NTM: variants seen among roughly 807,000 people sequenced by gnomAD.
NTM encodes neurotrimin.
NTM carries 13 observed loss-of-function variants against 42.1 expected under a neutral mutation model. That is an observed-to-expected ratio of 0.31 (90% CI 0.20 to 0.49). The LOEUF (loss-of-function observed/expected upper bound fraction) is 0.49, where lower values mean the gene tolerates loss of function less well. Ranked by LOEUF, NTM falls within the 20% of genes least tolerant of loss-of-function variation. NTM has a pLI of 0.99. For synonymous variants in NTM, 187 were observed against 179.2 expected (o/e 1.04, Z -0.35); for missense variants, 373 against 452.8 (o/e 0.82, Z 1.60).
At chr11:132,238,393 T>C (rs1357994295) in intron 4 of NTM, among the ~76,000 whole-genome samples, 1 of 152,198 alleles carries the variant, frequency 6.6e-6, no homozygotes, top group Non-Finnish European at 1.5e-5. Flanking sequence ...GGTGATATGA[T>C]GGCTGAAAAT....
At chr11:131,585,290 G>A (rs896516809) in intron 1 of NTM, among the ~76,000 whole-genome samples, 1 of 152,088 alleles carries the variant, frequency 6.6e-6, no homozygotes, top group South Asian at 2.1e-4. Context: ...GAATTCTTTC[G>A]TCAGATCTGC....
At chr11:131,502,762 T>C (rs1440718897) in intron 1 of NTM, 1 of 148,822 alleles carries the variant, frequency 6.7e-6, no homozygotes. Flanking sequence ...TATTGACAGA[T>C]AGATGTATCC....
intron 1 of NTM, among the ~76,000 whole-genome samples, chr11:131,824,617 C>A (rs985945328): frequency 5.3e-5 from 8 of 152,120 alleles, no homozygotes; most frequent in Non-Finnish European, 1.2e-4. Context: ...ATTCAAAGAG[C>A]AAATGTGTTT....
chr11:131,699,320 C>T (rs185053443), intron 1 of NTM, among the ~76,000 whole-genome samples: 3 of 152,174 alleles, frequency 2.0e-5, no homozygotes, highest in Admixed American at 2.0e-4. Context: ...TGTGCCAGGT[C>T]CTAGGACTGT....
chr11:131,600,291 T>A (rs1166095256), intron 1 of NTM, among the ~76,000 whole-genome samples: 3 of 152,136 alleles, frequency 2.0e-5, no homozygotes, highest in Middle Eastern at 3.2e-3. Context: ...ACAGGATGAA[T>A]AATAGAAAAG....
chr11:131,443,608 A>C (rs898201639), intron 1 of NTM, among the ~76,000 whole-genome samples: 5 of 152,154 alleles, frequency 3.3e-5, no homozygotes, highest in Non-Finnish European at 7.4e-5. Context: ...CCATTGACTG[A>C]TCTCCATGCC....
intron 6 of NTM, chr11:132,312,430 C>T (rs895268000): frequency 6.6e-6 from 1 of 152,280 alleles, no homozygotes; most frequent in Non-Finnish European, 1.5e-5. Flanking sequence ...GGAAGGCCAC[C>T]CATCCAACAG....
chr11:132,329,285 A>C (rs1041053135), intron 7 of NTM, among the ~76,000 whole-genome samples: 3 of 152,224 alleles, frequency 2.0e-5, no homozygotes, highest in African/African-American at 7.2e-5. Context: ...CAAAGAGGGA[A>C]GTAAAAGATT....
intron 1 of NTM, among the ~76,000 whole-genome samples, chr11:131,496,461 T>C (rs1332496037): frequency 6.6e-6 from 1 of 152,072 alleles, no homozygotes; most frequent in African/African-American, 2.4e-5. Flanking sequence ...GACAAAGCAG[T>C]GGGAAAAATC....
At chr11:131,416,411 A>G (rs1412313782) in intron 1 of NTM, among the ~76,000 whole-genome samples, 1 of 152,226 alleles carries the variant, frequency 6.6e-6, no homozygotes, top group East Asian at 1.9e-4. Context: ...CTGAGTAAGA[A>G]GCCATGAAAA....
rs539031200 is a variant in NTM, at chr11:131,917,336, C to T, written c.167+5688C>T. The stretch of plus-strand genomic sequence containing the variant: ...GCATGTTACTTCCTCAGTGTCATTT[C>T]TGACTGGGCAGCTGTGTGAGGCTGC... On this transcript the variant is annotated intron_variant, in intron 2 of 8. Coordinates refer to ENST00000683400, the MANE Select transcript of NTM (RefSeq NM_001352005.2). Among the ~76,000 whole-genome samples the T allele has an allele frequency of 2.0e-5, 3 of 152,320 alleles. No individual in the cohort carries two copies. In the South Asian group the frequency reaches 6.2e-4, roughly 32 times the overall value.
chr11:131,890,146 C>CTCTCTCTCTG (rs2051058779), intron 1 of NTM, among the ~76,000 whole-genome samples: 1 of 65,648 alleles, frequency 1.5e-5, no homozygotes. Context: ...CCCTCTCTCT[C>CTCTCTCTCTG]TCTCTCTCTG....
chr11:131,880,961 A>G (rs2049379186), intron 1 of NTM, among the ~76,000 whole-genome samples: 1 of 152,184 alleles, frequency 6.6e-6, no homozygotes, highest in Admixed American at 6.5e-5. Context: ...ATTAGCCACC[A>G]CTGAAACAAC....
chr11:132,310,637 A>AAGTT (rs1483584891), intron 6 of NTM, among the ~76,000 whole-genome samples: 4 of 152,140 alleles, frequency 2.6e-5, no homozygotes, highest in African/African-American at 4.8e-5. Context: ...AGTGGCTAAT[A>AAGTT]AGTTAGCTGC....
intron 1 of NTM, among the ~76,000 whole-genome samples, chr11:131,594,890 C>T (rs1172044779): frequency 6.6e-6 from 1 of 152,216 alleles, no homozygotes; most frequent in Non-Finnish European, 1.5e-5. Context: ...CTCTCTTCCT[C>T]ACATCCCTAC....
chr11:131,849,477 T>G (rs541954637), intron 1 of NTM, among the ~76,000 whole-genome samples: 93 of 152,024 alleles, frequency 6.1e-4, no homozygotes, highest in African/African-American at 2.2e-3. Flanking sequence ...TGCCACACAC[T>G]TTTAAAGGAC....
At chr11:131,403,642 G>A (rs977727595) in intron 1 of NTM, among the ~76,000 whole-genome samples, 2 of 152,156 alleles carry the variant, frequency 1.3e-5, no homozygotes, top group African/African-American at 4.8e-5. Flanking sequence ...GCACTCTTAG[G>A]AGGTTTGCTT....
At chr11:131,481,278 A>T (rs1953550861) in intron 1 of NTM, among the ~76,000 whole-genome samples, 1 of 152,220 alleles carries the variant, frequency 6.6e-6, no homozygotes, top group Non-Finnish European at 1.5e-5. Context: ...CACTTGGAAA[A>T]GTCCTAGAAG....
intron 2 of NTM, among the ~76,000 whole-genome samples, chr11:132,095,056 AAAGAAG>A (rs1429430650): frequency 6.6e-6 from 1 of 152,174 alleles, no homozygotes; most frequent in Non-Finnish European, 1.5e-5. Context: ...GAGGAGTGTC[AAAGAAG>A]AAGACAGCTC....
Sources: gnomAD v4.1 joint callset for allele counts (sites outside exome capture counted in the v4.1 genomes callset) on GRCh38, gnomAD v4.1.1 for gene constraint, MANE v1.5 for transcripts, NCBI Gene and HGNC (gene_info 2026-07-23, HGNC 2026-07-21) for gene names.